The following ROBO2 variants were observed in gnomAD, a reference collection of about 807,000 sequenced individuals.
ROBO2 encodes the protein roundabout homolog 2.
ROBO2 carries 53 observed loss-of-function variants against 160.8 expected under a neutral mutation model. The observed-to-expected ratio is 0.33, with a 90% confidence interval of 0.26 to 0.41. The LOEUF (loss-of-function observed/expected upper bound fraction) is 0.41, where lower values mean the gene tolerates loss of function less well. ROBO2 is among the 10% of genes least tolerant of loss of function. The probability of loss-of-function intolerance (pLI) is 1.00; values close to 1 mark genes in which losing one functional copy is unlikely to be tolerated. For missense variants in ROBO2, 1,577 were observed against 1,722.4 expected, an observed-to-expected ratio of 0.92 and a Z score of 1.49; for synonymous variants, 664 against 611.7, an observed-to-expected ratio of 1.09 and a Z score of -1.26.
intron 2 of ROBO2, among the ~76,000 whole-genome samples, chr3:76,560,504 A>G (rs1480092223): frequency 1.3e-5 from 2 of 151,876 alleles, no homozygotes; most frequent in Non-Finnish European, 2.9e-5. Context: ...AAATGTCCCC[A>G]GTGATAGCAG....
chr3:76,422,776 G>A (rs1210728222), intron 2 of ROBO2, among the ~76,000 whole-genome samples: 1 of 152,102 alleles, frequency 6.6e-6, no homozygotes, highest in African/African-American at 2.4e-5. Context: ...AAGTAAATAA[G>A]ATGTAAATAA....
chr3:76,365,750 C>T (rs2075779353), intron 2 of ROBO2, among the ~76,000 whole-genome samples: 1 of 151,986 alleles, frequency 6.6e-6, no homozygotes, highest in African/African-American at 2.4e-5. Flanking sequence ...AATCTTTGAG[C>T]TGGATTTGTC....
intron 2 of ROBO2, among the ~76,000 whole-genome samples, chr3:77,110,726 C>T (rs987484285): frequency 6.6e-6 from 1 of 151,560 alleles, no homozygotes; most frequent in Non-Finnish European, 1.5e-5. Flanking sequence ...CAAGTTCTCA[C>T]TCTGTCACTC....
intron 16 of ROBO2, among the ~76,000 whole-genome samples, chr3:77,582,893 C>T (rs977740806): frequency 5.3e-5 from 8 of 152,016 alleles, no homozygotes; most frequent in Non-Finnish European, 7.4e-5. Flanking sequence ...GTAATCCTAG[C>T]ACTTTGAGGG....
At chr3:76,455,525 C>A (rs1330034494) in intron 2 of ROBO2, among the ~76,000 whole-genome samples, 1 of 151,870 alleles carries the variant, frequency 6.6e-6, no homozygotes, top group Non-Finnish European at 1.5e-5. Flanking sequence ...ATATAGTTAG[C>A]AATTTAAAAA....
chr3:77,130,532 A>G (rs2075762906), intron 2 of ROBO2, among the ~76,000 whole-genome samples: 1 of 152,248 alleles, frequency 6.6e-6, no homozygotes, highest in Admixed American at 6.5e-5. Flanking sequence ...ACTAAACGGC[A>G]AATTTTAACA....
chr3:76,192,080 C>T (rs1029096629), intron 2 of ROBO2, among the ~76,000 whole-genome samples: 1 of 151,922 alleles, frequency 6.6e-6, no homozygotes, highest in African/African-American at 2.4e-5. Context: ...CCGCTATTTC[C>T]CTAGTTAGTG....
chr3:75,957,735 TG>T (rs1328496278), intron 2 of ROBO2, among the ~76,000 whole-genome samples: 1 of 151,424 alleles, frequency 6.6e-6, no homozygotes, highest in Admixed American at 6.6e-5. Flanking sequence ...GAAAGTAACT[TG>T]GGATAAATGG....
chr3:76,036,782 G>A (rs751099674), intron 2 of ROBO2, among the ~76,000 whole-genome samples: 2 of 152,004 alleles, frequency 1.3e-5, no homozygotes, highest in Non-Finnish European at 2.9e-5. Context: ...GGGATTACAG[G>A]CATGAGCCAC....
intron 2 of ROBO2, among the ~76,000 whole-genome samples, chr3:76,575,868 A>G (rs908292710): frequency 2.6e-5 from 4 of 152,030 alleles, no homozygotes; most frequent in Non-Finnish European, 5.9e-5. Context: ...AGAGAGAGAG[A>G]GGATTTTAGT....
chr3:76,848,072 C>T (rs2148514565), intron 2 of ROBO2, among the ~76,000 whole-genome samples: 1 of 152,256 alleles, frequency 6.6e-6, no homozygotes, highest in East Asian at 1.9e-4. Flanking sequence ...TGCTGTAGAA[C>T]CAGTCATCGT....
chr3:77,639,505 T>C (rs1442466938), intron 24 of ROBO2, among the ~76,000 whole-genome samples: 3 of 152,146 alleles, frequency 2.0e-5, no homozygotes, highest in Non-Finnish European at 4.4e-5. Context: ...CAGAAAAGAC[T>C]GGAATAACAT....
chr3:76,550,934 G>C (rs937187126), intron 2 of ROBO2, among the ~76,000 whole-genome samples: 2 of 152,148 alleles, frequency 1.3e-5, no homozygotes, highest in African/African-American at 4.8e-5. Context: ...CAGCCTGGGT[G>C]CTGTGGATGG....
chr3:77,392,005 T>C (rs1255150409), intron 2 of ROBO2, among the ~76,000 whole-genome samples: 1 of 152,174 alleles, frequency 6.6e-6, no homozygotes, highest in African/African-American at 2.4e-5. Context: ...ATAACAGATC[T>C]GTGGAAGAAA....
chr3:77,194,407 T>C (rs939304625), intron 2 of ROBO2, among the ~76,000 whole-genome samples: 4 of 152,224 alleles, frequency 2.6e-5, no homozygotes, highest in Non-Finnish European at 4.4e-5. Context: ...TGGCTGTTAC[T>C]TAATCTCACT....
At chr3:77,462,449 A>C (rs746930887) in intron 2 of ROBO2, among the ~76,000 whole-genome samples, 3 of 152,240 alleles carry the variant, frequency 2.0e-5, no homozygotes, top group South Asian at 2.1e-4. Flanking sequence ...GGCCATGCTT[A>C]CTAGCATCCT....
At chr3:76,094,989 A>G (rs2069379909) in intron 2 of ROBO2, among the ~76,000 whole-genome samples, 1 of 152,174 alleles carries the variant, frequency 6.6e-6, no homozygotes, top group Admixed American at 6.5e-5. Flanking sequence ...AAGATTATAT[A>G]ATATAAACAA....
intron 2 of ROBO2, among the ~76,000 whole-genome samples, chr3:76,681,020 G>A (rs975109062): frequency 3.3e-5 from 5 of 151,942 alleles, no homozygotes; most frequent in African/African-American, 9.7e-5. Context: ...CATGTGATCC[G>A]CCCACCTCAG....
intron 2 of ROBO2, among the ~76,000 whole-genome samples, chr3:77,262,583 G>A (rs528405923): frequency 3.9e-4 from 59 of 152,166 alleles, no homozygotes; most frequent in Non-Finnish European, 7.2e-4. Flanking sequence ...CCAGCTTCAA[G>A]TTGAACCTGA....
Sources: gnomAD v4.1 joint callset for allele counts (sites outside exome capture counted in the v4.1 genomes callset) on GRCh38, gnomAD v4.1.1 for gene constraint, MANE v1.5 for transcripts, NCBI Gene and HGNC (gene_info 2026-07-23, HGNC 2026-07-21) for gene names.